Variants in FAAH2 observed in about 807,000 individuals in gnomAD.
FAAH2 encodes the protein fatty acid amide hydrolase 2.
FAAH2 carries 60 observed loss-of-function variants against 36.9 expected under a neutral mutation model. The observed-to-expected ratio is 1.63, with a 90% CI of 1.32 to 2.02. The LOEUF (loss-of-function observed/expected upper bound fraction) is 2.02. Among genes scored for constraint, FAAH2 ranks in the 30% most tolerant of loss-of-function variants. FAAH2 has a pLI of 0.00. For synonymous variants in FAAH2, 214 were observed against 143.8 expected (o/e 1.49, Z -3.49); for missense variants, 689 against 397.5 (o/e 1.73, Z -6.23).
intron 7 of FAAH2, among the ~76,000 whole-genome samples, chrX:57,381,311 T>A (rs999513042): frequency 1.8e-5 from 2 of 111,887 alleles, no homozygotes; most frequent in African/African-American, 6.5e-5. Context: ...ATCTATCCAG[T>A]GATTCTCCTA....
the FAAH2 span, among the ~76,000 whole-genome samples, chrX:57,146,189 C>T: frequency 2.7e-5 from 3 of 110,587 alleles, no homozygotes; most frequent in African/African-American, 9.9e-5. Context: ...TGATTTTCCC[C>T]ATCCATGAGG....
At chrX:57,255,023 T>A in the FAAH2 span, among the ~76,000 whole-genome samples, 1 of 110,877 alleles carries the variant, frequency 9.0e-6, no homozygotes, top group Non-Finnish European at 1.9e-5. Flanking sequence ...GATAGACCAC[T>A]AGCCTAGCAA....
At chrX:57,261,141 C>T in the FAAH2 span, among the ~76,000 whole-genome samples, 1 of 111,315 alleles carries the variant, frequency 9.0e-6, no homozygotes, top group African/African-American at 3.3e-5. Context: ...CACAAATGTC[C>T]ATCAACAGAG....
intron 7 of FAAH2, among the ~76,000 whole-genome samples, chrX:57,415,569 A>G (rs537102334): frequency 1.8e-5 from 2 of 111,706 alleles, no homozygotes; most frequent in African/African-American, 6.5e-5. Context: ...TTCTAATTTG[A>G]TTGCACTGTG....
chrX:57,325,482 G>A (rs984863410), intron 3 of FAAH2, among the ~76,000 whole-genome samples: 3 of 110,933 alleles, frequency 2.7e-5, no homozygotes, highest in Non-Finnish European at 3.8e-5. Context: ...ACTTTTTTTG[G>A]TTGGTAGGCT....
At chrX:57,123,856 T>TCTTGTAAA in the FAAH2 span, among the ~76,000 whole-genome samples, 1 of 112,165 alleles carries the variant, frequency 8.9e-6, no homozygotes, top group Non-Finnish European at 1.9e-5. Context: ...GGTTGTTTGT[T>TCTTGTAAA]TTTTTCTTGT....
At chrX:57,432,503 A>T (rs1049508217) in intron 8 of FAAH2, among the ~76,000 whole-genome samples, 4 of 111,525 alleles carry the variant, frequency 3.6e-5, no homozygotes, top group African/African-American at 1.3e-4. Flanking sequence ...TCCCCCTGAG[A>T]TGTTTTAAAA....
intron 8 of FAAH2, among the ~76,000 whole-genome samples, chrX:57,439,114 C>T (rs944138364): frequency 9.1e-6 from 1 of 110,475 alleles, no homozygotes; most frequent in Non-Finnish European, 1.9e-5. Context: ...TGGGTATATA[C>T]CCAGTAATGG....
Position 57,343,317 on chromosome X carries a change from C to T in FAAH2, c.742+1927C>T, listed in dbSNP as rs373050501. ...ATTTTTTCAATGATTGCCATTCTGA[C>T]TTGTGTGAGACAGTATCTCATTGTG... On this transcript the variant is annotated intron_variant, in intron 5 of 10. Coordinates refer to ENST00000374900, the MANE Select transcript of FAAH2 (RefSeq NM_174912.4). Among the ~76,000 whole-genome samples, 442 of 111,886 alleles carry T rather than the reference C, an allele frequency of 4.0e-3. 2 individuals carry two copies. The highest frequency in any genetic ancestry group is 0.014 in the African/African-American group (427 of 30,897).
chrX:57,351,309 A>C (rs1384945546), intron 5 of FAAH2, among the ~76,000 whole-genome samples: 1 of 111,360 alleles, frequency 9.0e-6, no homozygotes, highest in African/African-American at 3.2e-5. Flanking sequence ...AATGCAATGT[A>C]GTAAAACTTG....
chrX:57,269,437 C>T, the FAAH2 span, among the ~76,000 whole-genome samples: 315 of 111,525 alleles, frequency 2.8e-3, no homozygotes, highest in Non-Finnish European at 4.9e-3. Flanking sequence ...TTCTCACCAC[C>T]ACATGGGACA....
the FAAH2 span, among the ~76,000 whole-genome samples, chrX:57,191,702 G>A: frequency 8.9e-6 from 1 of 111,983 alleles, no homozygotes; most frequent in Non-Finnish European, 1.9e-5. Flanking sequence ...TCTTCTGCAT[G>A]TGGATATCAT....
chrX:57,436,220 C>T (rs1333642421), intron 8 of FAAH2, among the ~76,000 whole-genome samples: 1 of 110,344 alleles, frequency 9.1e-6, no homozygotes, highest in Non-Finnish European at 1.9e-5. Context: ...AAAAGGAGTT[C>T]CCAAAGGGAT....
chrX:57,416,011 G>C (rs185845520), intron 7 of FAAH2, among the ~76,000 whole-genome samples: 1 of 110,726 alleles, frequency 9.0e-6, no homozygotes, highest in Non-Finnish European at 1.9e-5. Context: ...AATCTTTGTT[G>C]GTTTAAAATC....
chrX:57,432,875 C>T (rs2056332749), intron 8 of FAAH2, among the ~76,000 whole-genome samples: 1 of 110,159 alleles, frequency 9.1e-6, no homozygotes, highest in African/African-American at 3.3e-5. Flanking sequence ...ACCCATTTTA[C>T]AGCTTTATTT....
chrX:57,415,712 G>T (rs1426657053), intron 7 of FAAH2, among the ~76,000 whole-genome samples: 1 of 111,408 alleles, frequency 9.0e-6, no homozygotes, highest in Non-Finnish European at 1.9e-5. Flanking sequence ...TTTATTTGGG[G>T]TGGAGAGTTC....
At chrX:57,265,755 G>A in the FAAH2 span, among the ~76,000 whole-genome samples, 4 of 111,638 alleles carry the variant, frequency 3.6e-5, no homozygotes, top group Non-Finnish European at 7.5e-5. Flanking sequence ...GGATAACTTA[G>A]CCATTTTATC....
At chrX:57,301,421 A>G (rs1268934827) in intron 2 of FAAH2, among the ~76,000 whole-genome samples, 2 of 88,969 alleles carry the variant, frequency 2.2e-5, no homozygotes, top group Non-Finnish European at 4.3e-5. Flanking sequence ...ATGAGAACAC[A>G]TGGACACAGG....
chrX:57,219,298 G>A, the FAAH2 span, among the ~76,000 whole-genome samples: 1 of 111,202 alleles, frequency 9.0e-6, no homozygotes, highest in Non-Finnish European at 1.9e-5. Context: ...GTGCACTCTC[G>A]GGGTTCAAAC....
Sources: allele counts gnomAD v4.1 joint callset (sites outside exome capture counted in the v4.1 genomes callset), GRCh38; gene constraint gnomAD v4.1.1; transcripts MANE v1.5; gene names NCBI Gene and HGNC (gene_info 2026-07-23, HGNC 2026-07-21).